SDC1: variants seen among roughly 807,000 people sequenced by gnomAD.
SDC1 encodes the protein syndecan-1.
Under a neutral mutation model 29.7 loss-of-function variants are expected in SDC1, and 14 were observed. The observed-to-expected ratio is 0.47, with a 90% CI of 0.31 to 0.74. SDC1 has a LOEUF of 0.74. Ranked by LOEUF, SDC1 falls within the 30% of genes least tolerant of loss-of-function variation. SDC1 has a pLI of 0.05. For missense variants in SDC1, 406 were observed against 400.3 expected, an observed-to-expected ratio of 1.01 and a Z score of -0.12; for synonymous variants, 204 against 175.5, an observed-to-expected ratio of 1.16 and a Z score of -1.29.
rs1647320582 is a variant in SDC1, at chr2:20,224,693, G to T, written c.66+109C>A. The T allele has an allele frequency of 2.6e-6, 3 of 1,169,898 alleles. No homozygotes were observed. The highest frequency in any genetic ancestry group is 3.2e-5 in the African/African-American group (2 of 61,806). The allele number at this position is 1,169,898 out of a possible 1,614,324, so 72.5% of individuals were successfully genotyped here. A position where few individuals can be genotyped will look rare whatever the true frequency, so the allele number is the denominator to read the frequency against. On this transcript the variant is annotated intron_variant, in intron 1 of 4. Coordinates refer to ENST00000254351, the MANE Select transcript of SDC1 (RefSeq NM_002997.5). This position sits in a 1 kb window ranked among gnomAD's most constrained non-coding sequence, Gnocchi z 4.9. ...GGGACCCGCTGGGCTAGCGCGGGAA[G>T]AAGGGAAGTCTTCGCTCCCCCTCCC...
chr2:20,203,861 C>A lies in SDC1; in HGVS notation c.579G>T (p.Glu193Asp). The A allele has an allele frequency of 2.5e-6, 4 of 1,608,950 alleles. No individual in the cohort carries two copies. Among genetic ancestry groups the A allele is most frequent in the Non-Finnish European group, 3.4e-6 (4 of 1,178,504 alleles). The change falls in exon 3 of 5, where the codon GAG (glutamate) becomes GAT (aspartate). Residue 193 changes from glutamate (E) to aspartate (D), a missense_variant. Physicochemically the swap from Glu to Asp is conservative, Grantham distance 45 (BLOSUM62 2). Coordinates refer to ENST00000254351, the MANE Select transcript of SDC1 (RefSeq NM_002997.5). ...GGPSATERAA[E>D]DGASSQLPAA... ...CTGGGAGCTGACTGGAGGCTCCATC[C>A]TCAGCAGCCCTCTCGGTGGCAGAAG...
At chr2:20,222,889 G>A (rs1410358350) in intron 1 of SDC1, among the ~76,000 whole-genome samples, 1 of 152,146 alleles carries the variant, frequency 6.6e-6, no homozygotes, top group Non-Finnish European at 1.5e-5. Flanking sequence ...AACTTCAGCC[G>A]CCCCTGCTGA....
At position 20,223,245 on chromosome 2, in the gene SDC1, G is replaced by T. The variant is rs772729235; in HGVS notation, c.66+1557C>A. On this transcript the variant is annotated intron_variant, in intron 1 of 4. Transcript: ENST00000254351. ...CGCTTTACACATCGGTCTCAGAAAC[G>T]ACTGTCCCTACCTCATCTCCCATGA... is the stretch of plus-strand genomic sequence containing the variant. The T allele has an allele frequency of 5.7e-5, 74 of 1,301,584 alleles. 1 individual carries two copies. In the South Asian group the frequency reaches 8.9e-4, roughly 16 times the overall value. The allele number at this position is 1,301,584 out of a possible 1,614,324, so 80.6% of individuals were successfully genotyped here.
chr2:20,224,888 G>C lies in SDC1; in HGVS notation c.-21C>G. On this transcript the variant is annotated 5_prime_UTR_variant, in exon 1 of 5. Coordinates refer to ENST00000254351, the MANE Select transcript of SDC1 (RefSeq NM_002997.5). The surrounding 1 kb of genome is among the most constrained non-coding windows in gnomAD (Gnocchi z 4.9). The stretch of plus-strand genomic sequence containing the variant: ...CTCATGCTGCCCGGACCGGCGGCGG[G>C]AGAGCGGCAGGCTGCGCGGGTCGCG... 1 of 1,215,778 alleles carries C rather than the reference G, an allele frequency of 8.2e-7. No individual in the cohort carries two copies. The highest frequency in any genetic ancestry group is 1.0e-6 in the Non-Finnish European group (1 of 978,688). 75.3% of individuals were successfully genotyped at this position (1,215,778 alleles called of 1,614,324 possible).
rs1473200271 is a variant in SDC1, at chr2:20,205,368, A to G, written c.123T>C (p.Ser41=). ...CTGCACCTGAGCCGGAGAAGTTGTC[A>G]GAGTCATCCCCAGAGCCATCTTGAT... ...PEDQDGSGDD[S]DNFSGSGAGA... is the part of the protein sequence containing the mutation. The change falls in exon 2 of 5, where the codon TCT becomes TCC. Residue 41 remains serine, a synonymous_variant. Transcript: ENST00000254351. 1.2e-6 allele frequency: 2 copies of G among 1,613,964 alleles called. No homozygotes were observed. Among genetic ancestry groups the G allele is most frequent in the African/African-American group, 2.7e-5 (2 of 74,928 alleles).
chr2:20,205,097 G>A (rs1398215573), intron 2 of SDC1, among the ~76,000 whole-genome samples: 2 of 152,238 alleles, frequency 1.3e-5, no homozygotes, highest in East Asian at 3.9e-4. Flanking sequence ...CGTGCAGCAG[G>A]CGGCCCTGGG....
At chr2:20,209,183 C>T (rs570215291) in intron 1 of SDC1, among the ~76,000 whole-genome samples, 6 of 152,132 alleles carry the variant, frequency 3.9e-5, no homozygotes, top group Admixed American at 2.6e-4. Context: ...TGAAGGAGTG[C>T]GGCCTTCTCT....
At chr2:20,220,666 G>A (rs572508593) in intron 1 of SDC1, among the ~76,000 whole-genome samples, 22 of 152,282 alleles carry the variant, frequency 1.4e-4, no homozygotes, top group African/African-American at 5.3e-4. Flanking sequence ...AGGGAGAACA[G>A]GTATCATGAT....
intron 2 of SDC1, 78 bp from the exon 3 acceptor site, chr2:20,204,369 G>T: frequency 2.2e-6 from 2 of 921,280 alleles, no homozygotes; most frequent in Non-Finnish European, 3.4e-6. Context: ...GGGTGGGTCG[G>T]GGGAGGCTCC....
Position 20,204,289 on chromosome 2 carries a change from C to T in SDC1, c.151G>A (p.Ala51Thr). The change falls in exon 3 of 5, where the codon GCT becomes ACT. Residue 51 changes from alanine (A) to threonine (T), a missense_variant and splice_region_variant. Transcript: ENST00000254351. The part of the protein sequence containing the change: ...SDNFSGSGAG[A>T]LQDITLSQQT... ...TGTGACAAGGTGATATCTTGCAAAG[C>T]ACCTGCAGGACCAGAAGCAGAGTGT... 1 of 1,501,080 alleles carries T rather than the reference C, an allele frequency of 6.7e-7. No individual in the cohort carries two copies. The highest frequency in any genetic ancestry group is 9.1e-7 in the Non-Finnish European group (1 of 1,104,112). 93.0% of individuals were successfully genotyped at this position (1,501,080 alleles called of 1,614,324 possible).
At chr2:20,218,675 A>C (rs1677713712) in intron 1 of SDC1, among the ~76,000 whole-genome samples, 1 of 150,336 alleles carries the variant, frequency 6.7e-6, no homozygotes, top group Non-Finnish European at 1.5e-5. Flanking sequence ...GTACACACGG[A>C]CACACACACG....
chr2:20,204,151 CT>C lies in SDC1; in HGVS notation c.288del (p.Glu97ArgfsTer9). 1 of 1,602,172 alleles carries C rather than the reference CT, an allele frequency of 6.2e-7. No homozygotes were observed. Among genetic ancestry groups the C allele is most frequent in the East Asian group, 2.2e-5 (1 of 44,868 alleles). On this transcript the variant is annotated frameshift_variant, in exon 3 of 5. Transcript: ENST00000254351. LOFTEE classifies it high-confidence loss of function. ...TAASTSTLPAGEGPKEGEAVV... is the reference protein window; with the variant it reads ...TAASTSTLPAXEGPKEGEAVV... ...ACAGCCTCTCCCTCCTTGGGCCCCT[CT>C]CCAGCCGGCAGGGTGGAGGTGGAGG...
intron 1 of SDC1, chr2:20,208,042 G>C (rs1247401884): frequency 1.0e-6 from 1 of 985,276 alleles, no homozygotes; most frequent in African/African-American, 1.7e-5. Context: ...CTGGCACTTC[G>C]ACCCCACGAG....
At position 20,204,094 on chromosome 2, in the gene SDC1, C is replaced by T. The variant is rs112048177; in HGVS notation, c.346G>A (p.Ala116Thr). The T allele has an allele frequency of 9.6e-4, 1,549 of 1,609,082 alleles. 9 individuals are homozygous for T. The African/African-American group carries it at 0.014, about 15-fold the overall frequency. Reference protein sequence around the residue: ...VLPEVEPGLTAREQEATPRPR... With the variant: ...VLPEVEPGLTTREQEATPRPR... ...CGGGGGGTGGCCTCCTGCTCCCGGG[C>T]GGTGAGGCCAGGCTCCACTTCTGGC... The change falls in exon 3 of 5, where the codon GCC becomes ACC. Residue 116 changes from alanine (A) to threonine (T), a missense_variant. Transcript: ENST00000254351.
intron 1 of SDC1, among the ~76,000 whole-genome samples, chr2:20,211,540 C>T (rs1677464372): frequency 6.6e-6 from 1 of 152,256 alleles, no homozygotes; most frequent in South Asian, 2.1e-4. Flanking sequence ...GAAGCACCTA[C>T]ATGACTGGGA....
At chr2:20,204,503 T>A (rs1677186781) in intron 2 of SDC1, among the ~76,000 whole-genome samples, 1 of 152,010 alleles carries the variant, frequency 6.6e-6, no homozygotes, top group African/African-American at 2.4e-5. Context: ...TGTGTCCAGG[T>A]GCAGCCTGGT....
At chr2:20,225,165 C>T, upstream of SDC1, 1 of 230,518 alleles carries the variant, frequency 4.3e-6, no homozygotes, top group Non-Finnish European at 8.3e-6. Flanking sequence ...GGTCTCCCGG[C>T]CAGCCCCAGT....
At chr2:20,222,302 G>C (rs1677847949) in intron 1 of SDC1, among the ~76,000 whole-genome samples, 1 of 152,130 alleles carries the variant, frequency 6.6e-6, no homozygotes, top group South Asian at 2.1e-4. Context: ...TCAGATCTCT[G>C]CCACTTGCAA....
At chr2:20,207,878 A>G in intron 1 of SDC1, 1 of 913,048 alleles carries the variant, frequency 1.1e-6, no homozygotes, top group Non-Finnish European at 1.3e-6. Context: ...TCATCAAAGA[A>G]TACTGCCCAC....
Sources: gnomAD v4.1 joint callset for allele counts (sites outside exome capture counted in the v4.1 genomes callset) on GRCh38, gnomAD v4.1.1 for gene constraint, Gnocchi (gnomAD v3.1) non-coding constraint, MANE v1.5 for transcripts, NCBI Gene and HGNC (gene_info 2026-07-23, HGNC 2026-07-21) for gene names.